The following MTCL2 variants were observed in gnomAD, a reference collection of about 807,000 sequenced individuals.
MTCL2 encodes microtubule crosslinking factor 2.
chr20:36,793,926 C>T, the MTCL2 span: 1 of 1,551,450 alleles, frequency 6.4e-7, no homozygotes, highest in Non-Finnish European at 8.7e-7. The surrounding 1 kb of genome is among the most constrained non-coding windows in gnomAD (Gnocchi z 6.8). Context: ...CCCACGCTGA[C>T]CGTGCGGATG....
chr20:36,777,787 G>T, the MTCL2 span: 4 of 609,954 alleles, frequency 6.6e-6, no homozygotes, highest in Non-Finnish European at 1.2e-5. Flanking sequence ...CAGTATTGGC[G>T]GGGGCTGGGG....
At chr20:36,859,903 C>G in the MTCL2 span, 1 of 1,231,154 alleles carries the variant, frequency 8.1e-7, no homozygotes, top group Non-Finnish European at 1.0e-6. Flanking sequence ...ACTCCAAGCC[C>G]TGGCAGCCTA....
the MTCL2 span, chr20:36,816,381 G>A: frequency 1.5e-6 from 2 of 1,303,538 alleles, no homozygotes; most frequent in Non-Finnish European, 2.1e-6. Context: ...GGCATTTTGG[G>A]GAGCACTATG....
At chr20:36,810,707 T>TCTCTCTCTCC in the MTCL2 span, among the ~76,000 whole-genome samples, 10 of 130,454 alleles carry the variant, frequency 7.7e-5, no homozygotes, top group African/African-American at 3.2e-4. Context: ...CTCCCCTCCT[T>TCTCTCTCTCC]CTCTCTCTCC....
chr20:36,836,947 G>C, the MTCL2 span, among the ~76,000 whole-genome samples: 1 of 152,142 alleles, frequency 6.6e-6, no homozygotes, highest in Non-Finnish European at 1.5e-5. Flanking sequence ...GGCTCTCCCT[G>C]GTCCCTTAAC....
chr20:36,794,247 C>T, the MTCL2 span: 23 of 1,549,596 alleles, frequency 1.5e-5, no homozygotes, highest in African/African-American at 4.1e-5. This position sits in a 1 kb window ranked among gnomAD's most constrained non-coding sequence, Gnocchi z 5.4. Flanking sequence ...AAGAGGAAGC[C>T]GGGCTCGATA....
chr20:36,786,547 T>C, the MTCL2 span: 2 of 1,551,024 alleles, frequency 1.3e-6, no homozygotes, highest in Non-Finnish European at 1.7e-6. Flanking sequence ...GGGTGCAGCC[T>C]GCACTTGGAA....
At chr20:36,853,092 G>T in the MTCL2 span, among the ~76,000 whole-genome samples, 1 of 151,300 alleles carries the variant, frequency 6.6e-6, no homozygotes, top group Admixed American at 6.6e-5. Flanking sequence ...GGGAAAGAAG[G>T]CCAGGACACG....
At chr20:36,862,600 G>T in the MTCL2 span, 1 of 1,426,608 alleles carries the variant, frequency 7.0e-7, no homozygotes, top group Non-Finnish European at 9.2e-7. Flanking sequence ...CCTCAGGCCC[G>T]CGGGACTGTG....
the MTCL2 span, among the ~76,000 whole-genome samples, chr20:36,790,462 T>G: frequency 8.1e-6 from 1 of 123,064 alleles, no homozygotes; most frequent in African/African-American, 3.2e-5. Flanking sequence ...AAAGATGGAG[T>G]CTTGCTCTGT....
chr20:36,816,316 A>C, the MTCL2 span: 1 of 1,552,576 alleles, frequency 6.4e-7, no homozygotes, highest in Non-Finnish European at 8.6e-7. Flanking sequence ...TCCTGGGACC[A>C]CAGAGACAGA....
At chr20:36,818,639 A>T in the MTCL2 span, among the ~76,000 whole-genome samples, 2 of 152,230 alleles carry the variant, frequency 1.3e-5, no homozygotes, top group Non-Finnish European at 2.9e-5. Context: ...ACCTCAAAAA[A>T]ATAAGATGTT....
the MTCL2 span, among the ~76,000 whole-genome samples, chr20:36,800,459 G>T: frequency 1.3e-5 from 2 of 152,238 alleles, no homozygotes; most frequent in Non-Finnish European, 1.5e-5. Context: ...CTCCTAGCAA[G>T]TGTGAACCTC....
At chr20:36,808,710 G>T in the MTCL2 span, 2 of 1,603,916 alleles carry the variant, frequency 1.2e-6, no homozygotes, top group Admixed American at 3.4e-5. Context: ...TCAAACTCCC[G>T]CCTCAGGAGC....
At chr20:36,803,956 CAAAAAAAAAAA>C in the MTCL2 span, among the ~76,000 whole-genome samples, 1 of 43,062 alleles carries the variant, frequency 2.3e-5, no homozygotes, top group East Asian at 7.7e-4. Flanking sequence ...GATGCCGTCT[CAAAAAAAAAAA>C]AAAAAAAAAA....
the MTCL2 span, among the ~76,000 whole-genome samples, chr20:36,844,397 A>T: frequency 0.6 from 86,668 of 143,978 alleles, 26,441 homozygotes; most frequent in East Asian, 0.94. Context: ...CTCTACAAAA[A>T]AAAAATAATA....
At chr20:36,822,688 TGGA>T in the MTCL2 span, among the ~76,000 whole-genome samples, 3 of 151,884 alleles carry the variant, frequency 2.0e-5, no homozygotes, top group Non-Finnish European at 2.9e-5. Context: ...TCACCAAATC[TGGA>T]GGAGATGTTT....
chr20:36,856,858 G>A, the MTCL2 span, among the ~76,000 whole-genome samples: 3 of 152,044 alleles, frequency 2.0e-5, no homozygotes, highest in Non-Finnish European at 4.4e-5. Context: ...GTGTGTGTGT[G>A]CGTGCGCGCA....
chr20:36,840,056 G>A, the MTCL2 span, among the ~76,000 whole-genome samples: 19 of 151,926 alleles, frequency 1.3e-4, no homozygotes, highest in South Asian at 4.2e-4. Context: ...TGGAGACGGG[G>A]TTTCACCATG....
Sources: gnomAD v4.1 joint callset for allele counts (sites outside exome capture counted in the v4.1 genomes callset) on GRCh38, gnomAD v4.1.1 for gene constraint, Gnocchi (gnomAD v3.1) non-coding constraint, MANE v1.5 for transcripts, NCBI Gene and HGNC (gene_info 2026-07-23, HGNC 2026-07-21) for gene names.